STON2: variants seen among roughly 807,000 people sequenced by gnomAD.
STON2 encodes the protein stonin 2, also known as stonin-2.
Under a neutral mutation model 65.7 loss-of-function variants are expected in STON2, and 29 were observed. That is an observed-to-expected ratio of 0.44 (90% CI 0.33 to 0.60). STON2 has a LOEUF of 0.60. STON2 is among the 20% of genes least tolerant of loss of function. The pLI, the probability that STON2 is intolerant of heterozygous loss-of-function variation, is 0.03. For missense variants in STON2, 1,054 were observed against 1,118.1 expected (o/e 0.94, Z 0.82); for synonymous variants, 404 against 414.2 (o/e 0.98, Z 0.30).
Position 81,277,485 on chromosome 14 carries a change from G to C in STON2, c.1997C>G (p.Ala666Gly), listed in dbSNP as rs778433866. 1.2e-6 allele frequency: 2 copies of C among 1,614,166 alleles called. No homozygotes were observed. Among genetic ancestry groups the C allele is most frequent in the South Asian group, 2.2e-5 (2 of 91,078 alleles). The change falls in exon 6 of 8, where the codon GCA (alanine) becomes GGA (glycine). Residue 666 changes from alanine to glycine, a missense_variant. Physicochemically the swap from Ala to Gly is moderately conservative, Grantham distance 60. Coordinates refer to ENST00000614646, the MANE Select transcript of STON2 (RefSeq NM_001394390.1). ...GTCATTGAGGCCCAGGCGGCACTCTGCGAGCCCAGACAGGAAACTCAGGAT... is the reference window on the plus strand; with the variant it reads ...GTCATTGAGGCCCAGGCGGCACTCTCCGAGCCCAGACAGGAAACTCAGGAT... Reference protein sequence around the residue: ...IHILSFLSGLAECRLGLNDIL... With the variant: ...IHILSFLSGLGECRLGLNDIL...
At chr14:81,406,811 C>A (rs1900888290) in intron 2 of STON2, among the ~76,000 whole-genome samples, 1 of 152,176 alleles carries the variant, frequency 6.6e-6, no homozygotes, top group Non-Finnish European at 1.5e-5. Context: ...TCAGTGTGCA[C>A]CTGTGCACTC....
intron 4 of STON2, among the ~76,000 whole-genome samples, chr14:81,341,446 GTTTTTTTTTTGTT>G (rs1366434063): frequency 8.6e-6 from 1 of 115,752 alleles, no homozygotes; most frequent in Non-Finnish European, 1.7e-5. Context: ...TTTTATAAGT[GTTTTTTTTTTGTT>G]TTTTTTTTTT....
At chr14:81,269,294 C>T in intron 7 of STON2, 1 of 984,710 alleles carries the variant, frequency 1.0e-6, no homozygotes. Context: ...CCATGAGCCA[C>T]AGCACCCGGC....
intron 3 of STON2, among the ~76,000 whole-genome samples, chr14:81,388,032 C>T (rs1435578462): frequency 4.1e-5 from 6 of 146,672 alleles, no homozygotes; most frequent in Non-Finnish European, 6.0e-5. Flanking sequence ...TCACTGCAAC[C>T]TCCGCCTCCC....
rs766260151 is a variant in STON2, at chr14:81,260,861, G to A, written c.*7553C>T. The A allele has an allele frequency of 6.6e-6, 1 of 151,992 alleles. No homozygotes were observed. The highest frequency in any genetic ancestry group is 1.9e-4 in the East Asian group (1 of 5,184). The allele number at this position is 151,992 out of a possible 1,614,324, so 9.4% of individuals were successfully genotyped here. ...GCAAGAGGTTACACTGAATGAGAAT[G>A]GATGATGAATGATGGAAAATGTAAG... is the stretch of plus-strand genomic sequence containing the variant. On this transcript the variant is annotated 3_prime_UTR_variant, in exon 8 of 8. Transcript: ENST00000614646.
intron 2 of STON2, among the ~76,000 whole-genome samples, chr14:81,425,621 A>G (rs1901931539): frequency 6.6e-6 from 1 of 152,058 alleles, no homozygotes; most frequent in Non-Finnish European, 1.5e-5. Flanking sequence ...GAAGAGTGAG[A>G]GAACCTTCTT....
At chr14:81,388,092 G>C (rs914907369) in intron 3 of STON2, among the ~76,000 whole-genome samples, 2 of 150,516 alleles carry the variant, frequency 1.3e-5, no homozygotes, top group African/African-American at 4.9e-5. Flanking sequence ...TGAGACTACA[G>C]GCACCCACCA....
At chr14:81,326,384 C>T (rs1299306275) in intron 4 of STON2, among the ~76,000 whole-genome samples, 3 of 152,098 alleles carry the variant, frequency 2.0e-5, no homozygotes, top group East Asian at 1.9e-4. Context: ...TCAGATTTTG[C>T]GAGATTGGCT....
At chr14:81,308,712 A>T (rs1896277657) in intron 5 of STON2, among the ~76,000 whole-genome samples, 1 of 149,912 alleles carries the variant, frequency 6.7e-6, no homozygotes, top group African/African-American at 2.5e-5. Flanking sequence ...AGGGAGAATA[A>T]AAGAACTGAG....
chr14:81,424,839 C>T (rs1461995986), intron 2 of STON2, among the ~76,000 whole-genome samples: 1 of 152,238 alleles, frequency 6.6e-6, no homozygotes, highest in Non-Finnish European at 1.5e-5. Flanking sequence ...TCACTGGAAG[C>T]TCTTTCCTAT....
intron 1 of STON2, among the ~76,000 whole-genome samples, chr14:81,434,666 C>T (rs1414114381): frequency 6.6e-6 from 1 of 152,050 alleles, no homozygotes; most frequent in African/African-American, 2.4e-5. Flanking sequence ...CCTAGAGAAG[C>T]TTTGAGAAGG....
At chr14:81,285,550 C>T (rs534108918) in intron 5 of STON2, among the ~76,000 whole-genome samples, 57 of 152,306 alleles carry the variant, frequency 3.7e-4, no homozygotes, top group Admixed American at 3.5e-3. Flanking sequence ...TGCCTAAGTG[C>T]TCAGATTATA....
chr14:81,391,470 C>T (rs1900075333), intron 3 of STON2, among the ~76,000 whole-genome samples: 1 of 152,214 alleles, frequency 6.6e-6, no homozygotes, highest in South Asian at 2.1e-4. Context: ...AACGCCTAGT[C>T]TCTCCTGTGT....
chr14:81,316,398 T>TA lies in STON2; in HGVS notation c.742+7618dup, dbSNP rs1475821296. 3.9e-5 allele frequency among the ~76,000 whole-genome samples: 6 copies of TA among 152,352 alleles called. No individual in the cohort carries two copies. In the East Asian group the frequency reaches 1.2e-3, roughly 29 times the overall value. On this transcript the variant is annotated intron_variant, in intron 5 of 7. Coordinates refer to ENST00000614646, the MANE Select transcript of STON2 (RefSeq NM_001394390.1). ...TTGTGGTATGGAAATCTCACATTGT[T>TA]AAACACCTTCCTGCTAGATTTCCTT...
intron 1 of STON2, among the ~76,000 whole-genome samples, chr14:81,430,701 C>A (rs568388006): frequency 6.6e-6 from 1 of 152,246 alleles, no homozygotes; most frequent in South Asian, 2.1e-4. Flanking sequence ...TAAAGTCTAC[C>A]TCCTGAAAGT....
intron 7 of STON2, chr14:81,269,704 G>C: frequency 1.0e-6 from 1 of 985,014 alleles, no homozygotes; most frequent in South Asian, 4.7e-5. Flanking sequence ...TAAATCCAAG[G>C]ATATTATTAT....
Position 81,264,920 on chromosome 14 carries a change from T to C in STON2, c.*3494A>G. The C allele has an allele frequency of 1.0e-6, 1 of 985,408 alleles. No individual in the cohort carries two copies. The highest frequency in any genetic ancestry group is 1.2e-6 in the Non-Finnish European group (1 of 829,926). 61.0% of individuals were successfully genotyped at this position (985,408 alleles called of 1,614,324 possible). A position where few individuals can be genotyped will look rare whatever the true frequency, so the allele number is the denominator to read the frequency against. On this transcript the variant is annotated 3_prime_UTR_variant, in exon 8 of 8. Coordinates refer to ENST00000614646, the MANE Select transcript of STON2 (RefSeq NM_001394390.1). ...ATGAGTACATTTCTTATCTTTTTGC[T>C]GTAAAGTCAAAAAGCAGGCCCTAGA...
At chr14:81,286,023 C>T (rs2140142630) in intron 5 of STON2, among the ~76,000 whole-genome samples, 1 of 115,702 alleles carries the variant, frequency 8.6e-6, no homozygotes, top group Admixed American at 9.2e-5. Context: ...TGGCGGGCAC[C>T]TGTAGTCCCA....
At chr14:81,366,992 C>G (rs1898764173) in intron 4 of STON2, among the ~76,000 whole-genome samples, 1 of 152,124 alleles carries the variant, frequency 6.6e-6, no homozygotes, top group African/African-American at 2.4e-5. Flanking sequence ...GAATCTGCCC[C>G]ATAACCCCAG....
Sources: gnomAD v4.1 joint callset for allele counts (sites outside exome capture counted in the v4.1 genomes callset) on GRCh38, gnomAD v4.1.1 for gene constraint, MANE v1.5 for transcripts, NCBI Gene and HGNC (gene_info 2026-07-23, HGNC 2026-07-21) for gene names.